The following COL5A2 variants were observed in gnomAD, a reference collection of about 807,000 sequenced individuals.
COL5A2 encodes the protein collagen type V alpha 2 chain.
A neutral mutation model predicts 208.2 loss-of-function variants in COL5A2; 23 were observed. The observed-to-expected ratio is 0.11, with a 90% CI of 0.08 to 0.16. The LOEUF is 0.16. COL5A2 is among the 10% of genes least tolerant of loss of function. COL5A2 has a pLI of 1.00. For synonymous variants in COL5A2, 625 were observed against 628.5 expected, an observed-to-expected ratio of 0.99 and a Z score of 0.08; for missense variants, 1,590 against 1,956.4, an observed-to-expected ratio of 0.81 and a Z score of 3.53.
At chr2:189,065,173 A>G (rs1405769737) in intron 23 of COL5A2, 116 bp from the exon 24 acceptor site, 8 of 899,984 alleles carry the variant, frequency 8.9e-6, no homozygotes, top group East Asian at 5.3e-5. Flanking sequence ...TCAAGCCAAC[A>G]TGGCTATAGA....
In COL5A2 at chr2:189,112,088, C is replaced by T. The variant is rs570790091; in HGVS notation, c.98-1639G>A. Among the ~76,000 whole-genome samples the T allele has an allele frequency of 1.6e-3, 237 of 152,174 alleles. 6 individuals carry two copies. The highest frequency in any genetic ancestry group is 5.8e-4 in the East Asian group (3 of 5,174). On this transcript the variant is annotated intron_variant, in intron 1 of 53. Coordinates refer to ENST00000374866, the MANE Select transcript of COL5A2 (RefSeq NM_000393.5). Reference sequence around the variant, plus strand: ...GTGTTTGCCAGGCTGGTCTCCTGACCTCAAGTGATCCACCCACCTCAGCCT... The same window carrying T: ...GTGTTTGCCAGGCTGGTCTCCTGACTTCAAGTGATCCACCCACCTCAGCCT...
chr2:189,437,031 A>G, the COL5A2 span, among the ~76,000 whole-genome samples: 12 of 152,258 alleles, frequency 7.9e-5, no homozygotes, highest in South Asian at 1.2e-3. Flanking sequence ...TTTAAAAAAA[A>G]AGAGAGAGAG....
At chr2:189,183,495 A>G (rs1240739705), upstream of COL5A2, among the ~76,000 whole-genome samples, 1 of 152,134 alleles carries the variant, frequency 6.6e-6, no homozygotes, top group African/African-American at 2.4e-5. Flanking sequence ...CTACAGACCT[A>G]TATTTTTCAA....
At chr2:189,243,359 A>C in the COL5A2 span, among the ~76,000 whole-genome samples, 1 of 152,198 alleles carries the variant, frequency 6.6e-6, no homozygotes, top group Non-Finnish European at 1.5e-5. Flanking sequence ...AAACTGGGTA[A>C]TTTATACAAG....
chr2:189,045,142 G>T (rs201251334), intron 47 of COL5A2, 37 bp downstream of exon 47: 4 of 1,482,526 alleles, frequency 2.7e-6, no homozygotes. Flanking sequence ...TTTTATATAA[G>T]AAAACATTTT....
the COL5A2 span, among the ~76,000 whole-genome samples, chr2:189,413,586 A>G: frequency 6.6e-6 from 1 of 152,232 alleles, no homozygotes; most frequent in Non-Finnish European, 1.5e-5. Context: ...ATTTACGCTC[A>G]TTAGAACCTT....
At chr2:189,165,927 G>A (rs1451166666) in intron 1 of COL5A2, among the ~76,000 whole-genome samples, 1 of 152,148 alleles carries the variant, frequency 6.6e-6, no homozygotes, top group Non-Finnish European at 1.5e-5. Context: ...AAAGAATATA[G>A]TATTGTGACA....
At chr2:189,180,573 G>A (rs1306588203), upstream of COL5A2, among the ~76,000 whole-genome samples, 1 of 152,164 alleles carries the variant, frequency 6.6e-6, no homozygotes, top group Non-Finnish European at 1.5e-5. Flanking sequence ...TTTTGTAAAT[G>A]TGCATATAGT....
chr2:189,053,095 T>C, intron 38 of COL5A2, 77 bp from the exon 39 acceptor site: 2 of 1,119,424 alleles, frequency 1.8e-6, no homozygotes, highest in Admixed American at 3.8e-5. Flanking sequence ...ATTACTAATG[T>C]ATCAATTAAT....
intron 34 of COL5A2, 64 bp from the exon 35 acceptor site, chr2:189,057,090 GT>G: frequency 1.3e-6 from 2 of 1,544,928 alleles, no homozygotes; most frequent in Non-Finnish European, 1.8e-6. Flanking sequence ...TTGTGTGTAA[GT>G]TTCATGAGAG....
chr2:189,351,094 A>T, the COL5A2 span, among the ~76,000 whole-genome samples: 3 of 152,142 alleles, frequency 2.0e-5, no homozygotes, highest in African/African-American at 7.2e-5. Context: ...TACCAATAGG[A>T]GTCTCCTTCA....
the COL5A2 span, among the ~76,000 whole-genome samples, chr2:189,335,759 A>G: frequency 6.6e-5 from 10 of 152,132 alleles, no homozygotes; most frequent in African/African-American, 2.4e-4. Flanking sequence ...TCTGGGGGAA[A>G]AGGAGAATGA....
intron 16 of COL5A2, among the ~76,000 whole-genome samples, chr2:189,077,098 T>C (rs1686422181): frequency 6.6e-6 from 1 of 151,964 alleles, no homozygotes. Context: ...AAATTTAAAA[T>C]CTCAGGTCCA....
chr2:189,312,644 C>T, the COL5A2 span, among the ~76,000 whole-genome samples: 1 of 152,112 alleles, frequency 6.6e-6, no homozygotes, highest in African/African-American at 2.4e-5. Flanking sequence ...GTCAGACCTC[C>T]GATCTAGAGT....
In COL5A2 at chr2:189,210,376, G is replaced by A. The variant is rs1180602938; in HGVS notation, c.-42+14772C>T. ...CAAACCAACCCTAGCCGAGGAGAAT[G>A]AGTCATATTTTCGTCTGTTTTCACT... On this transcript the variant is annotated intron_variant, in intron 1 of 10. Transcript: ENST00000649966. Among the ~76,000 whole-genome samples the A allele has an allele frequency of 3.3e-5, 5 of 150,970 alleles. No individual in the cohort carries two copies. The South Asian group carries it at 6.3e-4, about 19-fold the overall frequency.
At chr2:189,182,878 C>T (rs745543781), upstream of COL5A2, among the ~76,000 whole-genome samples, 24 of 152,160 alleles carry the variant, frequency 1.6e-4, no homozygotes, top group Admixed American at 3.9e-4. Flanking sequence ...CACTCCTTAT[C>T]CCATTTCTTC....
At chr2:189,178,661 T>C (rs926594199) in intron 1 of COL5A2, among the ~76,000 whole-genome samples, 2 of 141,240 alleles carry the variant, frequency 1.4e-5, no homozygotes, top group African/African-American at 5.4e-5. Context: ...CTGTAACATA[T>C]GAAAATTGCA....
At chr2:189,094,478 G>A (rs72906337) in intron 6 of COL5A2, among the ~76,000 whole-genome samples, 20,070 of 150,502 alleles carry the variant, frequency 0.13, 1,372 homozygotes, top group Middle Eastern at 0.19. Context: ...AGTACTTTGA[G>A]GTTGCCACTA....
chr2:189,217,835 C>T lies in COL5A2; in HGVS notation c.-42+7313G>A, dbSNP rs529710558. 1.9e-4 allele frequency among the ~76,000 whole-genome samples: 29 copies of T among 152,218 alleles called. 1 individual carries two copies. In the South Asian group the frequency reaches 4.2e-3, roughly 22 times the overall value. ...AGTGAGGAAGGGACTGTGATGATGA[C>T]GCTCAGAGCACATTCGAGGTGTCCC... On this transcript the variant is annotated intron_variant, in intron 1 of 10. Transcript: ENST00000649966.
Sources: gnomAD v4.1 joint callset for allele counts (sites outside exome capture counted in the v4.1 genomes callset) on GRCh38, gnomAD v4.1.1 for gene constraint, MANE v1.5 for transcripts, NCBI Gene and HGNC (gene_info 2026-07-23, HGNC 2026-07-21) for gene names.